The following TMEM132D variants were observed in gnomAD, a reference collection of about 807,000 sequenced individuals.
The protein encoded by TMEM132D is transmembrane protein 132D.
Under a neutral mutation model 62.3 loss-of-function variants are expected in TMEM132D, and 21 were observed. The observed-to-expected ratio is 0.34, with a 90% CI of 0.24 to 0.49. The LOEUF (loss-of-function observed/expected upper bound fraction) is 0.49, where lower values mean the gene tolerates loss of function less well. TMEM132D is among the 20% of genes least tolerant of loss of function. TMEM132D has a pLI of 0.99. For missense variants in TMEM132D, 1,346 were observed against 1,402.8 expected (o/e 0.96, Z 0.65); for synonymous variants, 621 against 575.6 (o/e 1.08, Z -1.13).
At position 129,073,743 on chromosome 12, in the gene TMEM132D, C is replaced by G; in HGVS notation, c.*132G>C. ...CTCGCCGCCGAGCCGGGGTCATTGGCTGAGGCTGTATGGATAGTGTCATCC... is the reference window on the plus strand; with the variant it reads ...CTCGCCGCCGAGCCGGGGTCATTGGGTGAGGCTGTATGGATAGTGTCATCC... On this transcript the variant is annotated 3_prime_UTR_variant, in exon 9 of 9. Coordinates refer to ENST00000422113, the MANE Select transcript of TMEM132D (RefSeq NM_133448.3). The G allele has an allele frequency of 1.2e-6, 1 of 820,424 alleles. No individual in the cohort carries two copies. Among genetic ancestry groups the G allele is most frequent in the Non-Finnish European group, 1.9e-6 (1 of 532,862 alleles). The allele number at this position is 820,424 out of a possible 1,614,324, so 50.8% of individuals were successfully genotyped here.
intron 2 of TMEM132D, among the ~76,000 whole-genome samples, chr12:129,639,382 TAAAAAAAAAA>T (rs34476667): frequency 4.4e-5 from 4 of 90,512 alleles, no homozygotes; most frequent in Admixed American, 2.9e-4. Context: ...GACTCTGTCT[TAAAAAAAAAA>T]AAAAAAAAAA....
At chr12:129,733,556 T>C (rs915086445) in intron 1 of TMEM132D, among the ~76,000 whole-genome samples, 1 of 151,946 alleles carries the variant, frequency 6.6e-6, no homozygotes, top group African/African-American at 2.4e-5. Flanking sequence ...GATTCATGAG[T>C]CTAATAGATT....
intron 4 of TMEM132D, among the ~76,000 whole-genome samples, chr12:129,292,569 C>T (rs546175595): frequency 3.3e-5 from 5 of 152,306 alleles, no homozygotes; most frequent in Middle Eastern, 3.4e-3. Context: ...AATTCAGTTT[C>T]GGATTTATAA....
intron 4 of TMEM132D, among the ~76,000 whole-genome samples, chr12:129,284,273 G>A (rs189038766): frequency 9.2e-5 from 14 of 152,322 alleles, no homozygotes; most frequent in African/African-American, 2.2e-4. Context: ...GGGACATTTC[G>A]GTCTAATATA....
At chr12:129,090,045 C>G (rs1330638355) in intron 5 of TMEM132D, among the ~76,000 whole-genome samples, 3 of 152,226 alleles carry the variant, frequency 2.0e-5, no homozygotes, top group Admixed American at 2.0e-4. Context: ...AGGCCCCTTT[C>G]ACCTTCACGA....
At chr12:129,172,351 A>G (rs1199411076) in intron 5 of TMEM132D, among the ~76,000 whole-genome samples, 2 of 152,208 alleles carry the variant, frequency 1.3e-5, no homozygotes, top group East Asian at 3.8e-4. Flanking sequence ...AGGCTATTTC[A>G]CTTTCTTATC....
At chr12:129,077,399 G>A (rs1874297265) in intron 8 of TMEM132D, among the ~76,000 whole-genome samples, 1 of 152,230 alleles carries the variant, frequency 6.6e-6, no homozygotes, top group African/African-American at 2.4e-5. Context: ...CAACCACCAT[G>A]TTTTGTTATT....
chr12:129,496,386 G>A (rs902888), intron 3 of TMEM132D, among the ~76,000 whole-genome samples: 88,889 of 151,952 alleles, frequency 0.58, 27,451 homozygotes, highest in African/African-American at 0.8. Flanking sequence ...ATCACCGGCT[G>A]TGACAAGGCT....
At chr12:129,524,114 G>A (rs1875938396) in intron 3 of TMEM132D, among the ~76,000 whole-genome samples, 1 of 151,978 alleles carries the variant, frequency 6.6e-6, no homozygotes, top group African/African-American at 2.4e-5. Context: ...ATAGCATTAG[G>A]AGATATACCT....
At chr12:129,359,654 T>C (rs1431674023) in intron 3 of TMEM132D, among the ~76,000 whole-genome samples, 4 of 152,284 alleles carry the variant, frequency 2.6e-5, no homozygotes, top group African/African-American at 9.6e-5. Flanking sequence ...CTTAACTGTA[T>C]AAGAAATGGA....
At chr12:129,372,170 C>T (rs1870623869) in intron 3 of TMEM132D, among the ~76,000 whole-genome samples, 1 of 152,200 alleles carries the variant, frequency 6.6e-6, no homozygotes, top group South Asian at 2.1e-4. Context: ...TTCCTCAGAG[C>T]CTCTACAAGG....
chr12:129,769,200 CTAA>C (rs1417136235), intron 1 of TMEM132D, among the ~76,000 whole-genome samples: 1 of 152,212 alleles, frequency 6.6e-6, no homozygotes, highest in Non-Finnish European at 1.5e-5. Flanking sequence ...TCTCAAACTG[CTAA>C]TAAAGACATA....
chr12:129,387,784 C>T (rs1024156554), intron 3 of TMEM132D, among the ~76,000 whole-genome samples: 6 of 148,314 alleles, frequency 4.0e-5, no homozygotes, highest in Non-Finnish European at 9.0e-5. Context: ...AACACCAATC[C>T]AGCACTGACA....
At chr12:129,289,718 T>C (rs1360117615) in intron 4 of TMEM132D, among the ~76,000 whole-genome samples, 1 of 152,162 alleles carries the variant, frequency 6.6e-6, no homozygotes, top group African/African-American at 2.4e-5. Context: ...TTAGTGCTGA[T>C]TAAATATGAC....
At chr12:129,822,306 C>T (rs373886915) in intron 1 of TMEM132D, among the ~76,000 whole-genome samples, 2 of 152,232 alleles carry the variant, frequency 1.3e-5, no homozygotes, top group South Asian at 2.1e-4. Flanking sequence ...GGAGGACTCA[C>T]AGGACTCAGC....
At position 129,399,857 on chromosome 12, in the gene TMEM132D, G is replaced by T. The variant is rs550429923; in HGVS notation, c.1116-62040C>A. Among the ~76,000 whole-genome samples the T allele has an allele frequency of 1.5e-3, 226 of 151,858 alleles. 2 individuals are homozygous for T. The Middle Eastern group carries it at 0.02, about 14-fold the overall frequency. On this transcript the variant is annotated intron_variant, in intron 3 of 8. Transcript: ENST00000422113. ...TATACACTGATGAACAGGGAAAGCA[G>T]TTTGGAAAGAGTTGTGTGTGTGCGT...
At chr12:129,683,945 T>C (rs897268263) in intron 2 of TMEM132D, among the ~76,000 whole-genome samples, 2 of 152,132 alleles carry the variant, frequency 1.3e-5, no homozygotes, top group African/African-American at 4.8e-5. Flanking sequence ...GACTATCAGG[T>C]AGACCTATAG....
chr12:129,785,041 C>T (rs909596237), intron 1 of TMEM132D, among the ~76,000 whole-genome samples: 6 of 152,276 alleles, frequency 3.9e-5, no homozygotes, highest in East Asian at 3.9e-4. Context: ...TCGTTGCCAT[C>T]GACATATCAT....
At chr12:129,583,686 G>T (rs190119761) in intron 2 of TMEM132D, among the ~76,000 whole-genome samples, 2 of 152,118 alleles carry the variant, frequency 1.3e-5, no homozygotes, top group Admixed American at 6.5e-5. Context: ...AGACCCGTGG[G>T]GGGTGAGCTT....
Sources: allele counts gnomAD v4.1 joint callset (sites outside exome capture counted in the v4.1 genomes callset), GRCh38; gene constraint gnomAD v4.1.1; transcripts MANE v1.5; gene names NCBI Gene and HGNC (gene_info 2026-07-23, HGNC 2026-07-21).